KALRN: variants seen among roughly 807,000 people sequenced by gnomAD.
KALRN encodes kalirin.
A neutral mutation model predicts 353.7 loss-of-function variants in KALRN; 70 were observed. The observed-to-expected ratio is 0.20, with a 90% confidence interval of 0.16 to 0.24. The LOEUF (loss-of-function observed/expected upper bound fraction) is 0.24. Among genes scored for constraint, KALRN ranks in the 10% least tolerant of loss-of-function variants. The pLI is 1.00. For synonymous variants in KALRN, 1,391 were observed against 1,434.8 expected (o/e 0.97, Z 0.69); for missense variants, 2,791 against 3,756.7 (o/e 0.74, Z 6.72).
At chr3:124,216,120 C>T (rs1196464834) in intron 1 of KALRN, among the ~76,000 whole-genome samples, 1 of 152,208 alleles carries the variant, frequency 6.6e-6, no homozygotes, top group Non-Finnish European at 1.5e-5. Flanking sequence ...AGAGAACCAC[C>T]TCTAATAAAG....
intron 34 of KALRN, among the ~76,000 whole-genome samples, chr3:124,573,346 C>A (rs758464820): frequency 2.3e-4 from 35 of 152,172 alleles, no homozygotes; most frequent in Non-Finnish European, 4.1e-4. Flanking sequence ...TCCAGTTATG[C>A]CCCACCAAAG....
intron 1 of KALRN, among the ~76,000 whole-genome samples, chr3:124,087,145 G>A (rs1209609769): frequency 1.3e-5 from 2 of 152,066 alleles, no homozygotes; most frequent in Non-Finnish European, 2.9e-5. Flanking sequence ...TTTTTACCAT[G>A]AGTCTAAATG....
At chr3:124,166,205 G>A (rs2070824499) in intron 1 of KALRN, among the ~76,000 whole-genome samples, 1 of 152,114 alleles carries the variant, frequency 6.6e-6, no homozygotes, top group Non-Finnish European at 1.5e-5. Flanking sequence ...ATTATCTCAA[G>A]TAATATTGTT....
chr3:124,271,455 A>G (rs770672778), intron 5 of KALRN, among the ~76,000 whole-genome samples: 5 of 152,236 alleles, frequency 3.3e-5, no homozygotes, highest in Non-Finnish European at 7.3e-5. Flanking sequence ...GTTCCATTCA[A>G]CAGGGCAGTA....
chr3:124,522,076 T>C (rs1244133572), intron 33 of KALRN, among the ~76,000 whole-genome samples: 2 of 151,952 alleles, frequency 1.3e-5, no homozygotes, highest in Non-Finnish European at 2.9e-5. Flanking sequence ...AAGGTAGAGA[T>C]GCATTTTTAA....
At chr3:124,585,910 G>A (rs149143706) in intron 34 of KALRN, among the ~76,000 whole-genome samples, 1 of 152,242 alleles carries the variant, frequency 6.6e-6, no homozygotes, top group African/African-American at 2.4e-5. Context: ...TGAGTTACTG[G>A]TGAATAAACT....
intron 16 of KALRN, 134 bp from the exon 17 acceptor site, chr3:124,434,173 G>C (rs1160384594): frequency 1.6e-6 from 1 of 621,680 alleles, no homozygotes; most frequent in East Asian, 2.8e-5. Flanking sequence ...TGTATTAATG[G>C]TCATGACAAA....
chr3:124,287,768 A>AAGATAGAT (rs1560467935), intron 5 of KALRN, among the ~76,000 whole-genome samples: 3 of 71,452 alleles, frequency 4.2e-5, no homozygotes, highest in Admixed American at 1.8e-4. Context: ...AGGGCCTAGG[A>AAGATAGAT]AGATATATAT....
intron 1 of KALRN, among the ~76,000 whole-genome samples, chr3:124,045,842 A>G (rs1345177072): frequency 2.6e-5 from 4 of 152,046 alleles, no homozygotes; most frequent in Non-Finnish European, 1.5e-5. Context: ...TAGAGGAAGG[A>G]TTAACAACCT....
At chr3:124,182,008 T>C (rs1325327064) in intron 1 of KALRN, among the ~76,000 whole-genome samples, 1 of 152,212 alleles carries the variant, frequency 6.6e-6, no homozygotes, top group East Asian at 1.9e-4. Flanking sequence ...CTCTATTCTT[T>C]TGCAGTAGGC....
chr3:124,548,286 A>T (rs1577893210), intron 33 of KALRN, among the ~76,000 whole-genome samples: 1 of 152,174 alleles, frequency 6.6e-6, no homozygotes, highest in Admixed American at 6.5e-5. Context: ...CCATATTGGT[A>T]TGGTTGACTT....
At chr3:124,205,956 T>G (rs1444767) in intron 1 of KALRN, among the ~76,000 whole-genome samples, 123,387 of 152,028 alleles carry the variant, frequency 0.81, 51,002 homozygotes, top group Middle Eastern at 0.91. Flanking sequence ...GACATATTCT[T>G]GTTGCTTTTA....
intron 15 of KALRN, among the ~76,000 whole-genome samples, chr3:124,425,041 C>T (rs1359671258): frequency 2.0e-5 from 3 of 151,916 alleles, no homozygotes; most frequent in Non-Finnish European, 4.4e-5. Context: ...GAGCCAGGCA[C>T]AGAAATACTA....
At chr3:124,693,197 A>G (rs565736617) in intron 51 of KALRN, among the ~76,000 whole-genome samples, 8 of 152,290 alleles carry the variant, frequency 5.3e-5, no homozygotes, top group African/African-American at 1.9e-4. Flanking sequence ...GGGCTATAGG[A>G]GATCATGCTT....
chr3:124,179,242 C>T (rs1397874727), intron 1 of KALRN, among the ~76,000 whole-genome samples: 1 of 152,110 alleles, frequency 6.6e-6, no homozygotes, highest in African/African-American at 2.4e-5. Flanking sequence ...TTTTTATATT[C>T]TTATTCTGTA....
At chr3:124,439,234 ACACG>A (rs1553969793) in intron 18 of KALRN, among the ~76,000 whole-genome samples, 197 bp downstream of exon 18, 22 of 150,256 alleles carry the variant, frequency 1.5e-4, no homozygotes, top group Admixed American at 3.3e-4. Context: ...ACACACACAC[ACACG>A]CAGCTTCAAA....
chr3:124,064,307 G>GA lies in KALRN; in HGVS notation c.73+30504dup, dbSNP rs941117834. 4.5e-3 allele frequency among the ~76,000 whole-genome samples: 663 copies of GA among 148,566 alleles called. 14 individuals carry two copies. Among genetic ancestry groups the GA allele is most frequent in the Admixed American group, 0.03 (450 of 14,964 alleles). ...TAGGAGTTTAAACTGCTGAGAGACT[G>GA]AAAAAAAAAAGTAAATGAGATGATG... On this transcript the variant is annotated intron_variant, in intron 1 of 59. Transcript: ENST00000682506.
Position 124,442,467 on chromosome 3 carries a change from A to T in KALRN, c.3313+408A>T, listed in dbSNP as rs567693602. ...TTACTGATTTTGATTCCTGGTTAAT[A>T]TATTGAACAGCACAAGACTAGGGTG... On this transcript the variant is annotated intron_variant, in intron 19 of 59. Transcript: ENST00000682506. Among the ~76,000 whole-genome samples, 3 of 152,350 alleles carry T rather than the reference A, an allele frequency of 2.0e-5. No homozygotes were observed. In the South Asian group the frequency reaches 6.2e-4, roughly 32 times the overall value.
intron 1 of KALRN, among the ~76,000 whole-genome samples, chr3:124,140,833 C>T (rs1010023532): frequency 2.6e-5 from 4 of 152,208 alleles, no homozygotes; most frequent in African/African-American, 9.6e-5. Flanking sequence ...TGGTCTCACC[C>T]TGGGTCATGG....
Sources: allele counts gnomAD v4.1 joint callset (sites outside exome capture counted in the v4.1 genomes callset), GRCh38; gene constraint gnomAD v4.1.1; transcripts MANE v1.5; gene names NCBI Gene and HGNC (gene_info 2026-07-23, HGNC 2026-07-21).